Variants in MYO18B observed in about 807,000 individuals in gnomAD.
MYO18B encodes unconventional myosin-XVIIIb.
MYO18B carries 204 observed loss-of-function variants against 273.0 expected under a neutral mutation model. The ratio of observed to expected loss-of-function variants is 0.75; its 90% CI spans 0.67 to 0.84. The LOEUF (loss-of-function observed/expected upper bound fraction) is 0.84. Ranked by LOEUF, MYO18B falls within the 40% of genes least tolerant of loss-of-function variation. The probability of loss-of-function intolerance (pLI) is 0.00; values close to 1 mark genes in which losing one functional copy is unlikely to be tolerated. For synonymous variants in MYO18B, 1,330 were observed against 1,305.7 expected (o/e 1.02, Z -0.40); for missense variants, 3,212 against 3,287.6 (o/e 0.98, Z 0.56).
chr22:25,828,984 A>T lies in MYO18B; in HGVS notation c.2979+16A>T, dbSNP rs777326209. 1.2e-6 allele frequency: 2 copies of T among 1,612,848 alleles called. No homozygotes were observed. The highest frequency in any genetic ancestry group is 2.7e-5 in the African/African-American group (2 of 74,916). ...ATATCAAGAGGTATGCCTGGGCTGG[A>T]GCAGGGCTTTCACCAGAGCTCCGTG... On this transcript the variant is annotated intron_variant, in intron 15 of 43. Coordinates refer to ENST00000335473, the MANE Select transcript of MYO18B (RefSeq NM_032608.7).
At chr22:25,976,198 A>G (rs527990760) in intron 39 of MYO18B, among the ~76,000 whole-genome samples, 3 of 152,322 alleles carry the variant, frequency 2.0e-5, no homozygotes, top group East Asian at 1.9e-4. Context: ...AAGCACTCAC[A>G]AAGAATTATC....
intron 39 of MYO18B, among the ~76,000 whole-genome samples, chr22:25,965,948 T>A (rs981891249): frequency 1.3e-5 from 2 of 152,208 alleles, no homozygotes; most frequent in Non-Finnish European, 2.9e-5. Flanking sequence ...GAAAGGCTCT[T>A]AATCAAGTCT....
At chr22:25,869,316 G>C (rs2090979778) in intron 22 of MYO18B, among the ~76,000 whole-genome samples, 1 of 151,974 alleles carries the variant, frequency 6.6e-6, no homozygotes, top group South Asian at 2.1e-4. Context: ...TGGGCGTGGT[G>C]GTGTGCGCCT....
chr22:25,975,580 T>A (rs970780455), intron 39 of MYO18B, among the ~76,000 whole-genome samples: 1 of 152,222 alleles, frequency 6.6e-6, no homozygotes, highest in African/African-American at 2.4e-5. Context: ...AAAAGAGGCT[T>A]ACAAGAGTTG....
At chr22:26,038,537 CCAAA>C in the MYO18B span, among the ~76,000 whole-genome samples, 1 of 152,172 alleles carries the variant, frequency 6.6e-6, no homozygotes, top group Non-Finnish European at 1.5e-5. Flanking sequence ...CCACCTGAAG[CCAAA>C]GTCCAGGGTC....
At chr22:25,847,227 A>T (rs1031994682) in intron 19 of MYO18B, among the ~76,000 whole-genome samples, 8 of 152,102 alleles carry the variant, frequency 5.3e-5, no homozygotes, top group African/African-American at 1.9e-4. Flanking sequence ...TGCTCTCTCC[A>T]TGCCTCAGTT....
At chr22:25,963,068 T>C (rs771774160) in intron 39 of MYO18B, among the ~76,000 whole-genome samples, 8 of 152,010 alleles carry the variant, frequency 5.3e-5, no homozygotes, top group Non-Finnish European at 7.4e-5. Context: ...TTCTTCCTTA[T>C]TCTTCCTTAG....
At chr22:25,881,816 A>G (rs545833098) in intron 25 of MYO18B, among the ~76,000 whole-genome samples, 1 of 152,214 alleles carries the variant, frequency 6.6e-6, no homozygotes, top group African/African-American at 2.4e-5. Flanking sequence ...GCCTTGAAAA[A>G]TTAAGATAAA....
intron 34 of MYO18B, among the ~76,000 whole-genome samples, chr22:25,935,786 C>T (rs893549855): frequency 6.6e-6 from 1 of 152,116 alleles, no homozygotes; most frequent in Admixed American, 6.5e-5. Context: ...GGGATCCTGC[C>T]CACAGGTCCC....
Position 25,761,099 on chromosome 22 carries a change from A to T in MYO18B, c.7A>T (p.Ile3Phe). Residue 3 changes from isoleucine (I) to phenylalanine (F), a missense_variant, in exon 2 of 44, where the codon ATC becomes TTC. Ile to Phe is a conservative substitution (Grantham distance 21). Transcript: ENST00000335473. ...GCCCTGGCACTGCCTCAGCATGGCC[A>T]TCTCATCACGCCTCGCCCTGTGGGA... MA[I>F]SSRLALWEQK... is the part of the protein sequence containing the mutation. 1 of 1,613,554 alleles carries T rather than the reference A, an allele frequency of 6.2e-7. No homozygotes were observed. Among genetic ancestry groups the T allele is most frequent in the Non-Finnish European group, 8.5e-7 (1 of 1,179,862 alleles).
Position 25,908,412 on chromosome 22 carries a change from C to A in MYO18B, c.5239C>A (p.Arg1747Ser). 6.3e-7 allele frequency: 1 copy of A among 1,595,146 alleles called. No individual in the cohort carries two copies. The highest frequency in any genetic ancestry group is 2.3e-5 in the East Asian group (1 of 43,984). The stretch of plus-strand genomic sequence containing the variant: ...CCAGGAGGAGGAACTGGAGGATGTC[C>A]GTCAGTCCTGCCAGAAGCGGGTACG... ...EDQEEELEDV[R>S]QSCQKRLHQL... Residue 1747 changes from arginine to serine, a missense_variant, in exon 32 of 44, where the codon CGT becomes AGT. Transcript: ENST00000335473.
chr22:25,923,192 AACCAGAAGACACTGG>A (rs1569195184), intron 34 of MYO18B, among the ~76,000 whole-genome samples: 2 of 152,358 alleles, frequency 1.3e-5, no homozygotes, highest in East Asian at 3.9e-4. Context: ...AAACTTGTTA[AACCAGAAGACACTGG>A]GAGGGCCCTT....
intron 21 of MYO18B, among the ~76,000 whole-genome samples, chr22:25,858,468 G>A (rs2090637840): frequency 6.6e-6 from 1 of 152,182 alleles, no homozygotes; most frequent in Non-Finnish European, 1.5e-5. Flanking sequence ...GTGAGTTGGG[G>A]AAGCACTTTG....
chr22:25,764,382 T>C (rs2086432017), intron 3 of MYO18B, among the ~76,000 whole-genome samples: 1 of 152,116 alleles, frequency 6.6e-6, no homozygotes, highest in African/African-American at 2.4e-5. Context: ...CTGTGTTAGG[T>C]AGAAAGGGCA....
intron 21 of MYO18B, among the ~76,000 whole-genome samples, chr22:25,856,927 C>A (rs983153061): frequency 3.9e-5 from 6 of 152,180 alleles, no homozygotes; most frequent in Middle Eastern, 3.4e-3. Context: ...ATGAAGGAAG[C>A]GAAGTCCATG....
chr22:25,885,108 A>G (rs532368314), intron 25 of MYO18B, among the ~76,000 whole-genome samples: 9 of 152,368 alleles, frequency 5.9e-5, no homozygotes, highest in African/African-American at 2.2e-4. Flanking sequence ...GAATTTAATT[A>G]GAAAAATTAC....
chr22:26,014,075 A>G lies in MYO18B; in HGVS notation c.6470+9220A>G, dbSNP rs560863320. Among the ~76,000 whole-genome samples the G allele has an allele frequency of 2.6e-5, 4 of 152,244 alleles. No individual in the cohort carries two copies. In the South Asian group the frequency reaches 6.2e-4, roughly 24 times the overall value. ...TATACTGTTGAAAAATTATTTGCCT[A>G]CTTTGAAATCATGCAGTATTTTCTT... On this transcript the variant is annotated intron_variant, in intron 42 of 43. Coordinates refer to ENST00000335473, the MANE Select transcript of MYO18B (RefSeq NM_032608.7).
At chr22:25,908,220 A>G in intron 31 of MYO18B, 102 bp from the exon 32 acceptor site, 1 of 893,400 alleles carries the variant, frequency 1.1e-6, no homozygotes, top group African/African-American at 1.6e-5. Context: ...TCATTTATGT[A>G]TTCCAAAAAT....
chr22:25,768,042 C>T lies in MYO18B; in HGVS notation c.199-73C>T, dbSNP rs541657110. On this transcript the variant is annotated intron_variant, in intron 3 of 43. Transcript: ENST00000335473. ...AGAAGTGAACAATGAAATGAATGAA[C>T]GAACACGAGTGAATGACAAAGCTGT... 5.1e-5 allele frequency: 67 copies of T among 1,303,014 alleles called. 1 individual carries two copies. The Admixed American group carries it at 1.1e-3, about 21-fold the overall frequency. The allele number at this position is 1,303,014 out of a possible 1,614,324, so 80.7% of individuals were successfully genotyped here. A position where few individuals can be genotyped will look rare whatever the true frequency, so the allele number is the denominator to read the frequency against.
Sources: gnomAD v4.1 joint callset for allele counts (sites outside exome capture counted in the v4.1 genomes callset) on GRCh38, gnomAD v4.1.1 for gene constraint, MANE v1.5 for transcripts, NCBI Gene and HGNC (gene_info 2026-07-23, HGNC 2026-07-21) for gene names.